The following GAREM2 variants were observed in gnomAD, a reference collection of about 807,000 sequenced individuals.
GAREM2 encodes the protein GRB2 associated regulator of MAPK1 subtype 2, also known as GRB2-associated and regulator of MAPK protein 2.
In GAREM2, 30 loss-of-function variants were observed where a neutral mutation model predicts 55.6. That is an observed-to-expected ratio of 0.54 (90% CI 0.40 to 0.73). The LOEUF (loss-of-function observed/expected upper bound fraction) is 0.73, where lower values mean the gene tolerates loss of function less well. GAREM2 is among the 30% of genes least tolerant of loss of function. GAREM2 has a pLI of 0.00. For synonymous variants in GAREM2, 550 were observed against 569.1 expected (o/e 0.97, Z 0.48); for missense variants, 1,075 against 1,257.7 (o/e 0.85, Z 2.20).
At chr2:26,204,216 T>A in the GAREM2 span, 1 of 1,612,588 alleles carries the variant, frequency 6.2e-7, no homozygotes, top group Admixed American at 1.7e-5. Context: ...AAGGATGAAA[T>A]GACTTTCGGT....
chr2:26,180,191 C>G (rs1216414509), intron 2 of GAREM2, among the ~76,000 whole-genome samples: 1 of 152,188 alleles, frequency 6.6e-6, no homozygotes, highest in South Asian at 2.1e-4. Context: ...CATTTCTCTC[C>G]CTGCTCCGTG....
At chr2:26,197,757 G>T in the GAREM2 span, 1 of 1,534,062 alleles carries the variant, frequency 6.5e-7, no homozygotes, top group Non-Finnish European at 9.0e-7. Flanking sequence ...TACTGGCAAA[G>T]ATACAGTGAT....
At chr2:26,197,691 C>G in the GAREM2 span, 1 of 1,363,680 alleles carries the variant, frequency 7.3e-7, no homozygotes, top group Non-Finnish European at 1.1e-6. Flanking sequence ...CCGAGTTTAC[C>G]TTCTCAGGTC....
At chr2:26,191,428 A>G, downstream of GAREM2, 2 of 1,614,110 alleles carry the variant, frequency 1.2e-6, no homozygotes, top group Non-Finnish European at 8.5e-7. Flanking sequence ...GTTGAAGGAG[A>G]CGCAACACGG....
intron 1 of GAREM2, 76 bp from the exon 2 acceptor site, chr2:26,176,268 C>T: frequency 7.2e-7 from 1 of 1,386,634 alleles, no homozygotes; most frequent in South Asian, 1.5e-5. Flanking sequence ...GTGAGGACGT[C>T]ACTATCTGTT....
chr2:26,178,127 C>T (rs1455504558), intron 2 of GAREM2, among the ~76,000 whole-genome samples: 1 of 152,230 alleles, frequency 6.6e-6, no homozygotes. Flanking sequence ...TACTCCACCC[C>T]CCAAACCCTT....
At chr2:26,176,581 C>A in intron 2 of GAREM2, 97 bp downstream of exon 2, 3 of 1,172,830 alleles carry the variant, frequency 2.6e-6, no homozygotes, top group Admixed American at 3.4e-5. Context: ...ACTAGCGAGG[C>A]GGTGATTAGG....
chr2:26,173,506 G>C (rs1668765955), intron 1 of GAREM2, among the ~76,000 whole-genome samples, 174 bp downstream of exon 1: 1 of 151,714 alleles, frequency 6.6e-6, no homozygotes, highest in South Asian at 2.1e-4. Context: ...CCACCCGCCA[G>C]GTCCGCCTCC....
downstream of GAREM2, chr2:26,191,398 G>T (rs755518457): frequency 3.7e-6 from 6 of 1,614,222 alleles, no homozygotes; most frequent in South Asian, 2.2e-5. Context: ...GAAAGGCCCT[G>T]AATAGAGAAA....
chr2:26,182,046 T>C (rs1296855278), intron 2 of GAREM2: 2 of 1,009,860 alleles, frequency 2.0e-6, no homozygotes, highest in Non-Finnish European at 2.4e-6. Flanking sequence ...TATTCATGGC[T>C]CTCTTCCTAC....
the GAREM2 span, among the ~76,000 whole-genome samples, chr2:26,196,456 T>C: frequency 1.3e-5 from 2 of 152,212 alleles, no homozygotes; most frequent in Admixed American, 6.5e-5. Flanking sequence ...TCAATGAGTT[T>C]TGACAACTGT....
At chr2:26,198,374 T>TC in the GAREM2 span, among the ~76,000 whole-genome samples, 1 of 151,486 alleles carries the variant, frequency 6.6e-6, no homozygotes, top group African/African-American at 2.4e-5. Flanking sequence ...TTCATGTTTT[T>TC]TTTTTGTTTT....
chr2:26,193,555 A>G (rs1669573651), downstream of GAREM2: 1 of 1,582,508 alleles, frequency 6.3e-7, no homozygotes, highest in African/African-American at 1.3e-5. Context: ...GGTGCTAGTT[A>G]TGTTTCCTTG....
chr2:26,194,238 C>G (rs909348060), downstream of GAREM2, among the ~76,000 whole-genome samples: 1 of 152,112 alleles, frequency 6.6e-6, no homozygotes, highest in African/African-American at 2.4e-5. Flanking sequence ...GAAACAGATG[C>G]AGCACCAGTT....
chr2:26,196,778 G>C, the GAREM2 span, among the ~76,000 whole-genome samples: 3 of 152,232 alleles, frequency 2.0e-5, no homozygotes, highest in Admixed American at 2.0e-4. Context: ...CAAATGAACA[G>C]CAACGGCATC....
the GAREM2 span, among the ~76,000 whole-genome samples, chr2:26,200,168 G>A: frequency 2.0e-5 from 3 of 152,174 alleles, no homozygotes; most frequent in East Asian, 5.8e-4. Flanking sequence ...TTTATTTTGA[G>A]ACGGAGTTTT....
the GAREM2 span, chr2:26,195,104 G>T: frequency 6.2e-7 from 1 of 1,613,378 alleles, no homozygotes; most frequent in Non-Finnish European, 8.5e-7. Context: ...TAACCACAAT[G>T]ATGACCTTCC....
At position 26,188,635 on chromosome 2, in the gene GAREM2, CT is replaced by C. The variant is rs1272768322; in HGVS notation, c.*379del. ...CTTCCACTGCTGAAGCCTGTAGGCTCTGTTTAGAGACAAGAAGATGGCTGGT... is the reference window on the plus strand; with the variant it reads ...CTTCCACTGCTGAAGCCTGTAGGCTCGTTTAGAGACAAGAAGATGGCTGGT... On this transcript the variant is annotated 3_prime_UTR_variant, in exon 6 of 6. Coordinates refer to ENST00000401533, the MANE Select transcript of GAREM2 (RefSeq NM_001168241.2). 5 of 188,358 alleles carry C rather than the reference CT, an allele frequency of 2.7e-5. No homozygotes were observed. Among genetic ancestry groups the C allele is most frequent in the African/African-American group, 1.2e-4 (5 of 42,972 alleles). 11.7% of individuals were successfully genotyped at this position (188,358 alleles called of 1,614,324 possible).
chr2:26,199,846 A>G, the GAREM2 span, among the ~76,000 whole-genome samples: 24 of 152,300 alleles, frequency 1.6e-4, no homozygotes, highest in Non-Finnish European at 2.9e-4. Flanking sequence ...AGGATGGACT[A>G]TGAGAGATGT....
Sources: gnomAD v4.1 joint callset for allele counts (sites outside exome capture counted in the v4.1 genomes callset) on GRCh38, gnomAD v4.1.1 for gene constraint, MANE v1.5 for transcripts, NCBI Gene and HGNC (gene_info 2026-07-23, HGNC 2026-07-21) for gene names.